The following GLRA3 variants were observed in gnomAD, a reference collection of about 807,000 sequenced individuals.
GLRA3 encodes the protein glycine receptor alpha 3, also known as glycine receptor subunit alpha-3.
A neutral mutation model predicts 60.4 loss-of-function variants in GLRA3; 44 were observed. The observed-to-expected ratio is 0.73, with a 90% CI of 0.57 to 0.94. GLRA3 has a LOEUF of 0.94. GLRA3 is among the 40% of genes least tolerant of loss of function. GLRA3 has a pLI of 0.00. For missense variants in GLRA3, 508 were observed against 564.6 expected (o/e 0.90, Z 1.02); for synonymous variants, 223 against 192.9 (o/e 1.16, Z -1.29).
intron 4 of GLRA3, chr4:174,722,575 T>A (rs182937049): frequency 5.6e-4 from 85 of 152,766 alleles, no homozygotes; most frequent in Middle Eastern, 3.4e-3. Context: ...CACTCATCTG[T>A]TGCTGTTTTT....
chr4:174,685,130 G>C (rs1479861060), intron 5 of GLRA3, among the ~76,000 whole-genome samples: 1 of 152,134 alleles, frequency 6.6e-6, no homozygotes, highest in Admixed American at 6.5e-5. Context: ...GTAGAGAAGA[G>C]GCTATGTGAG....
Position 174,828,742 on chromosome 4 carries a change from T to G in GLRA3, c.70A>C (p.Ser24Arg), listed in dbSNP as rs781326948. 1 of 1,600,092 alleles carries G rather than the reference T, an allele frequency of 6.2e-7. No homozygotes were observed. The highest frequency in any genetic ancestry group is 8.6e-7 in the Non-Finnish European group (1 of 1,167,336). The part of the protein sequence containing the change: ...FYFWEAALLL[S>R]LVATKETDSA... ...ACTGTTAAATCCAAGCGAACTCACC[T>G]GAGTAACAGTGCTGCTTCCCAGAAG... is the stretch of plus-strand genomic sequence containing the variant. Residue 24 changes from serine to arginine, a missense_variant and splice_region_variant, in exon 1 of 10, where the codon AGT becomes CGT. Physicochemically the swap from Ser to Arg is moderately radical, Grantham distance 110 (BLOSUM62 -1). Transcript: ENST00000274093.
chr4:174,697,610 C>T (rs1329413153), intron 5 of GLRA3, among the ~76,000 whole-genome samples: 1 of 152,142 alleles, frequency 6.6e-6, no homozygotes, highest in African/African-American at 2.4e-5. Context: ...ATTACATTTT[C>T]TCTAAAACTT....
chr4:174,690,088 G>A (rs927926129), intron 5 of GLRA3, among the ~76,000 whole-genome samples: 1 of 152,078 alleles, frequency 6.6e-6, no homozygotes, highest in African/African-American at 2.4e-5. Context: ...AATAAAACAA[G>A]TCAGATGCAG....
intron 7 of GLRA3, among the ~76,000 whole-genome samples, chr4:174,671,951 G>T (rs956300218): frequency 2.6e-5 from 4 of 152,002 alleles, no homozygotes; most frequent in Non-Finnish European, 5.9e-5. Flanking sequence ...GTGCCCAGAC[G>T]CTATCTCTGA....
At chr4:174,823,631 A>G (rs2111403725) in intron 1 of GLRA3, among the ~76,000 whole-genome samples, 1 of 152,326 alleles carries the variant, frequency 6.6e-6, no homozygotes, top group South Asian at 2.1e-4. Context: ...CAAATTAAGG[A>G]GGCTTTGCTA....
At chr4:174,780,897 C>T (rs894535235) in intron 2 of GLRA3, among the ~76,000 whole-genome samples, 13 of 152,112 alleles carry the variant, frequency 8.5e-5, no homozygotes, top group South Asian at 2.1e-4. Context: ...CAACATTAGA[C>T]GGATCAACGA....
chr4:174,790,728 C>T (rs1328918171), intron 1 of GLRA3, among the ~76,000 whole-genome samples: 2 of 151,182 alleles, frequency 1.3e-5, no homozygotes, highest in African/African-American at 2.4e-5. Flanking sequence ...CGCCTGTAAT[C>T]CCAGCACTTT....
At chr4:174,650,877 G>A (rs1336180833) in intron 9 of GLRA3, among the ~76,000 whole-genome samples, 1 of 152,180 alleles carries the variant, frequency 6.6e-6, no homozygotes, top group Non-Finnish European at 1.5e-5. Context: ...TGTGGTGAGA[G>A]CTTGTCCTGA....
intron 2 of GLRA3, among the ~76,000 whole-genome samples, chr4:174,775,822 A>G (rs1738574723): frequency 6.6e-6 from 1 of 152,104 alleles, no homozygotes; most frequent in Admixed American, 6.5e-5. Flanking sequence ...TTTCTTTCTG[A>G]AGACATAAAA....
chr4:174,776,099 G>A (rs35785032), intron 2 of GLRA3, among the ~76,000 whole-genome samples: 53,515 of 151,896 alleles, frequency 0.35, 9,648 homozygotes, highest in East Asian at 0.52. Flanking sequence ...GTTGAGCAAC[G>A]GTTGCCTGGT....
At chr4:174,665,237 C>CTTTTTTTTT (rs34499494) in intron 7 of GLRA3, among the ~76,000 whole-genome samples, 2 of 127,488 alleles carry the variant, frequency 1.6e-5, no homozygotes, top group Non-Finnish European at 3.3e-5. Context: ...TTTGTATTTA[C>CTTTTTTTTT]TTTTTTTTTT....
intron 5 of GLRA3, among the ~76,000 whole-genome samples, chr4:174,707,456 T>C (rs1200002706): frequency 6.6e-6 from 1 of 152,174 alleles, no homozygotes; most frequent in Non-Finnish European, 1.5e-5. Flanking sequence ...AAGACTGTTT[T>C]GCAGCTATCT....
chr4:174,699,866 T>C (rs1735235950), intron 5 of GLRA3, among the ~76,000 whole-genome samples: 1 of 151,238 alleles, frequency 6.6e-6, no homozygotes. Flanking sequence ...ATTAATTATT[T>C]AATTAATACT....
In GLRA3 at chr4:174,743,050, G is replaced by A. The variant is rs1009848406; in HGVS notation, c.268-14352C>T. On this transcript the variant is annotated intron_variant, in intron 3 of 9. Coordinates refer to ENST00000274093, the MANE Select transcript of GLRA3 (RefSeq NM_006529.4). ...AAAAATTATTTCAAAAGGAAATTCA[G>A]AATTAAGCTATTTCCTCTCTTTTAA... Among the ~76,000 whole-genome samples, 3 of 152,290 alleles carry A rather than the reference G, an allele frequency of 2.0e-5. No individual in the cohort carries two copies. The South Asian group carries it at 6.2e-4, about 32-fold the overall frequency.
At chr4:174,823,264 C>T (rs1226924097) in intron 1 of GLRA3, among the ~76,000 whole-genome samples, 1 of 152,092 alleles carries the variant, frequency 6.6e-6, no homozygotes, top group Non-Finnish European at 1.5e-5. Flanking sequence ...TGTATTTCCA[C>T]ATATACATGT....
chr4:174,824,854 G>A (rs1740899262), intron 1 of GLRA3, among the ~76,000 whole-genome samples: 1 of 152,098 alleles, frequency 6.6e-6, no homozygotes, highest in African/African-American at 2.4e-5. Flanking sequence ...AAATGGAAAA[G>A]GTGACATTTG....
intron 4 of GLRA3, among the ~76,000 whole-genome samples, chr4:174,716,035 G>A (rs1735906081): frequency 6.6e-6 from 1 of 152,104 alleles, no homozygotes; most frequent in Non-Finnish European, 1.5e-5. Flanking sequence ...CAAATCACAT[G>A]CTATATTCCA....
rs375428370 is a variant in GLRA3, at chr4:174,788,939, C to A, written c.76G>T (p.Val26Phe). The part of the protein sequence containing the change: ...FWEAALLLSL[V>F]ATKETDSARS... ...GCACTGTCTGTTTCCTTTGTGGCAA[C>A]CAAACTACAAATAAGAACAAAAATA... Residue 26 changes from valine (V) to phenylalanine (F), a missense_variant, in exon 2 of 10, where the codon GTT (valine) becomes TTT (phenylalanine). Val to Phe is a conservative substitution (Grantham distance 50). This residue lies in a region of GLRA3 where 329 missense variants were observed against 349.3 expected (regional missense o/e 0.94). Coordinates refer to ENST00000274093, the MANE Select transcript of GLRA3 (RefSeq NM_006529.4). 4.4e-6 allele frequency: 7 copies of A among 1,574,844 alleles called. No homozygotes were observed. The highest frequency in any genetic ancestry group is 5.2e-6 in the Non-Finnish European group (6 of 1,160,696).
Sources: allele counts gnomAD v4.1 joint callset (sites outside exome capture counted in the v4.1 genomes callset), GRCh38; gene constraint gnomAD v4.1.1; regional missense constraint gnomAD v4.1.1; transcripts MANE v1.5; gene names NCBI Gene and HGNC (gene_info 2026-07-23, HGNC 2026-07-21).